SLC15A1: variants seen among roughly 807,000 people sequenced by gnomAD.
The protein encoded by SLC15A1 is Caco-2 oligopeptide transporter.
Under a neutral mutation model 92.9 loss-of-function variants are expected in SLC15A1, and 83 were observed. The observed-to-expected ratio is 0.89, with a 90% CI of 0.75 to 1.07. The LOEUF is 1.07. SLC15A1 is among the 50% of genes least tolerant of loss of function. The pLI is 0.00. For missense variants in SLC15A1, 857 were observed against 880.1 expected (o/e 0.97, Z 0.33); for synonymous variants, 322 against 318.2 (o/e 1.01, Z -0.13).
At chr13:98,717,339 T>A (rs4646222) in intron 8 of SLC15A1, among the ~76,000 whole-genome samples, 1 of 152,202 alleles carries the variant, frequency 6.6e-6, no homozygotes, top group East Asian at 1.9e-4. Flanking sequence ...GTCTATGTTT[T>A]CTTTTACCAC....
At chr13:98,696,453 AAAAG>A (rs2088022672) in intron 18 of SLC15A1, among the ~76,000 whole-genome samples, 1 of 151,976 alleles carries the variant, frequency 6.6e-6, no homozygotes. Context: ...CAACAACAAA[AAAAG>A]AAGCTTTAAC....
chr13:98,741,979 G>A (rs943198361), intron 1 of SLC15A1, among the ~76,000 whole-genome samples: 8 of 152,206 alleles, frequency 5.3e-5, no homozygotes, highest in Non-Finnish European at 7.3e-5. Context: ...GGAGACTGTG[G>A]GTTTATCAAG....
intron 8 of SLC15A1, among the ~76,000 whole-genome samples, chr13:98,718,733 C>T (rs2088231046): frequency 6.6e-6 from 1 of 152,150 alleles, no homozygotes; most frequent in Admixed American, 6.5e-5. Context: ...CGCTTGAACC[C>T]AGGAGGCGGA....
At chr13:98,721,024 C>A in intron 7 of SLC15A1, 2 of 418,170 alleles carry the variant, frequency 4.8e-6, no homozygotes, top group East Asian at 7.1e-5. Context: ...TGCGCTCCAG[C>A]GTGGGTGACA....
intron 15 of SLC15A1, 92 bp downstream of exon 15, chr13:98,708,594 C>A (rs2088134065): frequency 8.8e-7 from 1 of 1,140,784 alleles, no homozygotes; most frequent in Non-Finnish European, 1.2e-6. Flanking sequence ...CCTTGGCCTC[C>A]CCTAATCCCC....
intron 1 of SLC15A1, among the ~76,000 whole-genome samples, chr13:98,727,375 A>G (rs752880121): frequency 3.9e-5 from 6 of 152,038 alleles, no homozygotes; most frequent in Non-Finnish European, 8.8e-5. Context: ...TGATGTGCCT[A>G]CATCACCATA....
In SLC15A1 at chr13:98,731,954, G is replaced by A. The variant is rs1482482221; in HGVS notation, c.5-5095C>T. Among the ~76,000 whole-genome samples, 4 of 152,186 alleles carry A rather than the reference G, an allele frequency of 2.6e-5. No homozygotes were observed. In the East Asian group the frequency reaches 7.7e-4, roughly 29 times the overall value. ...TCTGAAAGTGTGTATTCCAAGAACT[G>A]CTTTTATTATTACAGGGCAGAGGTT... On this transcript the variant is annotated intron_variant, in intron 1 of 22. Coordinates refer to ENST00000376503, the MANE Select transcript of SLC15A1 (RefSeq NM_005073.4).
chr13:98,716,066 G>T, intron 8 of SLC15A1, 106 bp from the exon 9 acceptor site: 1 of 941,690 alleles, frequency 1.1e-6, no homozygotes, highest in Admixed American at 1.9e-5. Flanking sequence ...TGGGATAATG[G>T]GATTACTTAT....
intron 1 of SLC15A1, among the ~76,000 whole-genome samples, chr13:98,728,990 AAAAAAAAAAAAAAAAAC>A (rs1368408841): frequency 1.3e-4 from 19 of 146,378 alleles, no homozygotes; most frequent in African/African-American, 3.0e-4. Context: ...AAAAAAAAAA[AAAAAAAAAAAAAAAAAC>A]AACAAGCCCC....
At chr13:98,690,661 G>A (rs1257322958) in intron 18 of SLC15A1, among the ~76,000 whole-genome samples, 3 of 152,216 alleles carry the variant, frequency 2.0e-5, no homozygotes, top group East Asian at 1.9e-4. Context: ...TGGGAAATGC[G>A]TCCGGAGGCG....
chr13:98,720,590 T>C (rs1007941556), intron 7 of SLC15A1: 2 of 158,316 alleles, frequency 1.3e-5, no homozygotes, highest in Non-Finnish European at 2.8e-5. Context: ...ATGGTCTTGT[T>C]AGTTTGTCAC....
At chr13:98,728,732 G>T (rs1268984081) in intron 1 of SLC15A1, among the ~76,000 whole-genome samples, 1 of 151,956 alleles carries the variant, frequency 6.6e-6, no homozygotes, top group African/African-American at 2.4e-5. Flanking sequence ...TGTAATCCCA[G>T]CACTTTGGGA....
chr13:98,719,439 T>C (rs2088236963), intron 7 of SLC15A1, 119 bp from the exon 8 acceptor site: 1 of 628,920 alleles, frequency 1.6e-6, no homozygotes, highest in Non-Finnish European at 2.7e-6. Flanking sequence ...TCTAGACATA[T>C]CCATTTGCCT....
At chr13:98,702,642 T>TTAG in intron 17 of SLC15A1, 113 bp from the exon 18 acceptor site, 1 of 860,610 alleles carries the variant, frequency 1.2e-6, no homozygotes. Context: ...TCCTAGGACC[T>TTAG]AAGGACATGG....
At chr13:98,726,294 G>A in intron 3 of SLC15A1, 30 bp from the exon 4 acceptor site, 5 of 1,613,482 alleles carry the variant, frequency 3.1e-6, no homozygotes, top group East Asian at 2.2e-5. Context: ...GAAGAGGAGG[G>A]GGAAACAAAG....
intron 21 of SLC15A1, 36 bp downstream of exon 21, chr13:98,687,545 A>G: frequency 1.9e-6 from 3 of 1,607,330 alleles, no homozygotes; most frequent in South Asian, 1.1e-5. Context: ...AGGCAGGGGT[A>G]TTGCAGATGG....
At position 98,706,444 on chromosome 13, in the gene SLC15A1, T is replaced by A. The variant is rs77788695; in HGVS notation, c.1150-191A>T. Among the ~76,000 whole-genome samples the A allele has an allele frequency of 1.6e-4, 24 of 152,310 alleles. No homozygotes were observed. The East Asian group carries it at 4.6e-3, about 29-fold the overall frequency. On this transcript the variant is annotated intron_variant, in intron 15 of 22. Transcript: ENST00000376503. Reference sequence around the variant, plus strand: ...CAGAAATGACTTTTGCACGGAATACTGAAGTGATATGGTTTGGCTGGGTCC... The same window carrying A: ...CAGAAATGACTTTTGCACGGAATACAGAAGTGATATGGTTTGGCTGGGTCC...
At chr13:98,701,271 T>C (rs1293188380) in intron 18 of SLC15A1, among the ~76,000 whole-genome samples, 2 of 152,200 alleles carry the variant, frequency 1.3e-5, no homozygotes, top group South Asian at 2.1e-4. Context: ...TATATCTAAG[T>C]ATTTCATATT....
chr13:98,747,628 C>T (rs1273842306), intron 1 of SLC15A1, among the ~76,000 whole-genome samples: 1 of 152,182 alleles, frequency 6.6e-6, no homozygotes, highest in African/African-American at 2.4e-5. Context: ...GGCCTGTAAT[C>T]CCAGCACTTT....
Sources: gnomAD v4.1 joint callset for allele counts (sites outside exome capture counted in the v4.1 genomes callset) on GRCh38, gnomAD v4.1.1 for gene constraint, MANE v1.5 for transcripts, NCBI Gene and HGNC (gene_info 2026-07-23, HGNC 2026-07-21) for gene names.